ARRB1: variants seen among roughly 807,000 people sequenced by gnomAD.
ARRB1 encodes the protein beta-arrestin-1.
In ARRB1, 21 loss-of-function variants were observed where a neutral mutation model predicts 56.8. The ratio of observed to expected loss-of-function variants is 0.37; its 90% CI spans 0.26 to 0.53. The LOEUF (loss-of-function observed/expected upper bound fraction) is 0.53, where lower values mean the gene tolerates loss of function less well. ARRB1 is among the 20% of genes least tolerant of loss of function. The pLI, the probability that ARRB1 is intolerant of heterozygous loss-of-function variation, is 0.88. For synonymous variants in ARRB1, 210 were observed against 218.6 expected (o/e 0.96, Z 0.35); for missense variants, 424 against 553.7 (o/e 0.77, Z 2.35).
Position 75,347,207 on chromosome 11 carries a change from G to A in ARRB1, c.20+4381C>T, listed in dbSNP as rs1947782966. 2.0e-5 allele frequency among the ~76,000 whole-genome samples: 3 copies of A among 152,242 alleles called. No homozygotes were observed. In the South Asian group the frequency reaches 6.2e-4, roughly 32 times the overall value. ...CAGTGGAGAAGTCTGAAGCCCAGAG[G>A]CCGGCCTGGAATCAGGGATCAGAGA... On this transcript the variant is annotated intron_variant, in intron 1 of 15. Coordinates refer to ENST00000420843, the MANE Select transcript of ARRB1 (RefSeq NM_004041.5).
chr11:75,272,730 G>A (rs1266573725), intron 12 of ARRB1, 165 bp downstream of exon 12: 2 of 626,446 alleles, frequency 3.2e-6, no homozygotes, highest in South Asian at 1.9e-5. Context: ...AGCGGGCGGG[G>A]GAGAAAGAGG....
At chr11:75,299,238 A>G in intron 1 of ARRB1, among the ~76,000 whole-genome samples, 1 of 135,992 alleles carries the variant, frequency 7.4e-6, no homozygotes, top group South Asian at 2.2e-4. Context: ...CATCTCAATT[A>G]AAAAAAAAAA....
intron 1 of ARRB1, among the ~76,000 whole-genome samples, chr11:75,343,430 G>A (rs972241701): frequency 1.3e-5 from 2 of 152,188 alleles, no homozygotes; most frequent in East Asian, 3.8e-4. Context: ...TTCCCTGGGG[G>A]AGCTCACAGC....
intron 1 of ARRB1, among the ~76,000 whole-genome samples, chr11:75,344,824 C>T (rs911696037): frequency 6.6e-6 from 1 of 152,156 alleles, no homozygotes; most frequent in East Asian, 1.9e-4. Context: ...ACAAGCCTCC[C>T]TGCAAGGCTG....
chr11:75,314,749 G>A (rs1370613982), intron 1 of ARRB1, among the ~76,000 whole-genome samples: 1 of 152,146 alleles, frequency 6.6e-6, no homozygotes, highest in African/African-American at 2.4e-5. Context: ...CTACAGGCAT[G>A]TGCCACACCA....
chr11:75,326,776 T>A (rs937444551), intron 1 of ARRB1, among the ~76,000 whole-genome samples: 2 of 144,504 alleles, frequency 1.4e-5, no homozygotes, highest in Non-Finnish European at 3.0e-5. Context: ...CAGGCTAGAG[T>A]GCAGGGCTGC....
intron 1 of ARRB1, among the ~76,000 whole-genome samples, chr11:75,336,811 C>T (rs1337218833): frequency 6.6e-6 from 1 of 152,132 alleles, no homozygotes; most frequent in East Asian, 1.9e-4. Context: ...CACACATGAT[C>T]CATCACCACC....
At chr11:75,295,608 C>A (rs989633001) in intron 1 of ARRB1, among the ~76,000 whole-genome samples, 1 of 152,228 alleles carries the variant, frequency 6.6e-6, no homozygotes, top group Non-Finnish European at 1.5e-5. Flanking sequence ...TTAACTCCAT[C>A]TGCAACCGTC....
intron 1 of ARRB1, among the ~76,000 whole-genome samples, chr11:75,312,839 A>C (rs1422420836): frequency 6.6e-6 from 1 of 152,256 alleles, no homozygotes; most frequent in East Asian, 1.9e-4. Context: ...TCTGGAAGCC[A>C]GCAGAGGCAA....
intron 1 of ARRB1, among the ~76,000 whole-genome samples, chr11:75,329,872 T>G (rs1041041270): frequency 5.3e-5 from 8 of 152,092 alleles, no homozygotes; most frequent in African/African-American, 1.9e-4. Flanking sequence ...CACATACCTG[T>G]GCTACAAGTC....
intron 9 of ARRB1, 77 bp downstream of exon 9, chr11:75,277,287 G>C: frequency 2.1e-6 from 3 of 1,398,832 alleles, no homozygotes; most frequent in Non-Finnish European, 3.0e-6. Context: ...TTAACAAGGG[G>C]AGATACTTCA....
intron 1 of ARRB1, among the ~76,000 whole-genome samples, chr11:75,313,453 G>A (rs1221575177): frequency 4.6e-5 from 7 of 152,252 alleles, no homozygotes. Context: ...AGGCTAGGGG[G>A]AGAGTCTGAG....
intron 13 of ARRB1, among the ~76,000 whole-genome samples, chr11:75,270,674 T>A (rs1256173418): frequency 1.3e-5 from 2 of 150,226 alleles, no homozygotes; most frequent in Non-Finnish European, 3.0e-5. Flanking sequence ...ACACCTGTAG[T>A]CCCAGCTACT....
intron 11 of ARRB1, 107 bp downstream of exon 11, chr11:75,273,967 G>A (rs1199258629): frequency 6.5e-7 from 1 of 1,536,618 alleles, no homozygotes; most frequent in African/African-American, 1.4e-5. Context: ...ACAAGGCTAT[G>A]GAGAGGGTAG....
chr11:75,332,364 T>C (rs1420764706), intron 1 of ARRB1, among the ~76,000 whole-genome samples: 1 of 152,206 alleles, frequency 6.6e-6, no homozygotes, highest in Non-Finnish European at 1.5e-5. Context: ...TCTGTAAACA[T>C]AGCTAGATCT....
chr11:75,281,312 C>G (rs912633722), intron 6 of ARRB1, among the ~76,000 whole-genome samples, 170 bp from the exon 7 acceptor site: 1 of 152,170 alleles, frequency 6.6e-6, no homozygotes, highest in Middle Eastern at 3.2e-3. Context: ...GTGCTCAGCC[C>G]CAATGCTGTG....
At chr11:75,285,801 C>T (rs758500721) in intron 3 of ARRB1, among the ~76,000 whole-genome samples, 3 of 152,252 alleles carry the variant, frequency 2.0e-5, no homozygotes, top group South Asian at 2.1e-4. Flanking sequence ...CTGCCCCTGT[C>T]CTCTCCCAGT....
At chr11:75,321,449 C>T (rs572165925) in intron 1 of ARRB1, among the ~76,000 whole-genome samples, 21 of 152,216 alleles carry the variant, frequency 1.4e-4, no homozygotes, top group East Asian at 3.9e-4. Flanking sequence ...TCCCTGCTGG[C>T]GGAAACCACC....
intron 2 of ARRB1, among the ~76,000 whole-genome samples, chr11:75,288,038 T>C (rs970472280): frequency 1.3e-5 from 2 of 152,066 alleles, no homozygotes; most frequent in African/African-American, 2.4e-5. Flanking sequence ...AATTTTTGCA[T>C]TTATAGTAGA....
Sources: gnomAD v4.1 joint callset for allele counts (sites outside exome capture counted in the v4.1 genomes callset) on GRCh38, gnomAD v4.1.1 for gene constraint, MANE v1.5 for transcripts, NCBI Gene and HGNC (gene_info 2026-07-23, HGNC 2026-07-21) for gene names.